Variants in SGCE observed in about 807,000 individuals in gnomAD.
The protein encoded by SGCE is sarcoglycan epsilon.
SGCE carries 26 observed loss-of-function variants against 57.8 expected under a neutral mutation model. The observed-to-expected ratio is 0.45, with a 90% CI of 0.33 to 0.62. The LOEUF (loss-of-function observed/expected upper bound fraction) is 0.62. Ranked by LOEUF, SGCE falls within the 20% of genes least tolerant of loss-of-function variation. The pLI, the probability that SGCE is intolerant of heterozygous loss-of-function variation, is 0.02. For synonymous variants in SGCE, 183 were observed against 189.5 expected (o/e 0.97, Z 0.28); for missense variants, 468 against 548.6 (o/e 0.85, Z 1.47).
chr7:94,596,846 T>A (rs1798470206), intron 9 of SGCE, among the ~76,000 whole-genome samples: 2 of 152,146 alleles, frequency 1.3e-5, no homozygotes, highest in Non-Finnish European at 2.9e-5. Flanking sequence ...TTTTGAAGGA[T>A]ATCTGTCAAC....
At chr7:94,588,567 A>G (rs1249021337) in intron 10 of SGCE, 122 bp downstream of exon 10, 4 of 1,530,918 alleles carry the variant, frequency 2.6e-6, no homozygotes, top group Non-Finnish European at 3.5e-6. Context: ...TGATTAAGGA[A>G]TGACACAAGT....
At chr7:94,602,131 G>C (rs1012494561) in intron 6 of SGCE, among the ~76,000 whole-genome samples, 1 of 152,078 alleles carries the variant, frequency 6.6e-6, no homozygotes, top group Non-Finnish European at 1.5e-5. Context: ...CATTGTTAGG[G>C]TCTGTTGGCC....
chr7:94,655,962 A>G, intron 1 of SGCE, 28 bp downstream of exon 1: 1 of 1,430,816 alleles, frequency 7.0e-7, no homozygotes, highest in Non-Finnish European at 9.9e-7. Flanking sequence ...TGGCCCCGGG[A>G]CCTCCACGTC....
At chr7:94,600,879 A>G in intron 6 of SGCE, 22 bp from the exon 7 acceptor site, 1 of 1,563,896 alleles carries the variant, frequency 6.4e-7, no homozygotes, top group African/African-American at 1.3e-5. Context: ...GAAGACAATT[A>G]CACAACAAAT....
chr7:94,587,719 G>A, intron 10 of SGCE: 3 of 1,534,168 alleles, frequency 2.0e-6, no homozygotes, highest in Admixed American at 2.1e-5. Context: ...AAATTGTAGG[G>A]AAAAATTCTG....
chr7:94,640,432 C>T (rs1250081746), intron 1 of SGCE, among the ~76,000 whole-genome samples: 1 of 152,132 alleles, frequency 6.6e-6, no homozygotes, highest in Non-Finnish European at 1.5e-5. Context: ...TCCTGTTTTT[C>T]ACCATCCAAA....
chr7:94,612,954 T>G (rs1801287189), intron 5 of SGCE, among the ~76,000 whole-genome samples: 1 of 152,192 alleles, frequency 6.6e-6, no homozygotes, highest in Non-Finnish European at 1.5e-5. Context: ...CCTGTCCACT[T>G]TGTTTTGTCC....
intron 3 of SGCE, chr7:94,627,997 A>G: frequency 1.9e-6 from 1 of 524,022 alleles, no homozygotes; most frequent in Non-Finnish European, 3.4e-6. Flanking sequence ...GTCATTTTTA[A>G]TATAAAAGCT....
At chr7:94,599,405 T>C (rs1798877496) in intron 8 of SGCE, 1 of 401,042 alleles carries the variant, frequency 2.5e-6, no homozygotes, top group African/African-American at 2.1e-5. Context: ...TGTTCTCTGG[T>C]TTATAGAAAT....
At chr7:94,587,164 T>C in intron 10 of SGCE, 6 of 984,862 alleles carry the variant, frequency 6.1e-6, no homozygotes, top group Non-Finnish European at 7.2e-6. Context: ...GGCTCTTATA[T>C]TTGTTTAGGC....
At chr7:94,638,201 TATTTGTATGA>T (rs1298499807) in intron 1 of SGCE, among the ~76,000 whole-genome samples, 1 of 152,228 alleles carries the variant, frequency 6.6e-6, no homozygotes, top group Non-Finnish European at 1.5e-5. Context: ...CATGAGAAGT[TATTTGTATGA>T]AACTCTATGT....
intron 3 of SGCE, chr7:94,625,287 T>TA: frequency 6.6e-6 from 1 of 152,164 alleles, no homozygotes; most frequent in East Asian, 1.9e-4. Flanking sequence ...CTATACCTGT[T>TA]ACTATAAATG....
intron 2 of SGCE, chr7:94,629,416 T>C (rs760277678): frequency 1.7e-5 from 5 of 291,608 alleles, no homozygotes; most frequent in Non-Finnish European, 2.6e-5. Flanking sequence ...GGTCTTAATA[T>C]AGAAAATCAT....
chr7:94,588,645 T>G lies in SGCE; in HGVS notation c.1297+44A>C, dbSNP rs777840283. On this transcript the variant is annotated intron_variant, in intron 10 of 10. Transcript: ENST00000648936. ...AGTGCCATAATTATCTTTTAATCTA[T>G]TAGATTCATTCATAAACATTAATTT... The G allele has an allele frequency of 3.2e-6, 5 of 1,566,088 alleles. No individual in the cohort carries two copies. In the Admixed American group the frequency reaches 8.4e-5, roughly 26 times the overall value.
At chr7:94,609,631 A>G (rs561305661) in intron 5 of SGCE, among the ~76,000 whole-genome samples, 11 of 152,366 alleles carry the variant, frequency 7.2e-5, no homozygotes, top group African/African-American at 2.4e-4. Context: ...TCCACTTTAC[A>G]TATCATCATG....
chr7:94,598,207 T>C (rs1798697815), intron 9 of SGCE: 1 of 161,958 alleles, frequency 6.2e-6, no homozygotes, highest in African/African-American at 2.4e-5. Context: ...GTCTACTCCT[T>C]ACAAAGTCCT....
At chr7:94,639,177 T>C (rs1390981996) in intron 1 of SGCE, among the ~76,000 whole-genome samples, 1 of 152,192 alleles carries the variant, frequency 6.6e-6, no homozygotes, top group Non-Finnish European at 1.5e-5. Context: ...ACACGGGATC[T>C]AAAACAGAAG....
At chr7:94,637,947 C>A (rs1022869996) in intron 1 of SGCE, among the ~76,000 whole-genome samples, 14 of 151,982 alleles carry the variant, frequency 9.2e-5, no homozygotes, top group Non-Finnish European at 1.5e-4. Context: ...CACCGGGGAC[C>A]CATAACCAGA....
intron 1 of SGCE, among the ~76,000 whole-genome samples, chr7:94,654,854 G>T (rs1310059518): frequency 6.6e-6 from 1 of 152,152 alleles, no homozygotes; most frequent in African/African-American, 2.4e-5. Flanking sequence ...ACCTAACTCA[G>T]CTGTAGACAA....
Sources: allele counts gnomAD v4.1 joint callset (sites outside exome capture counted in the v4.1 genomes callset), GRCh38; gene constraint gnomAD v4.1.1; transcripts MANE v1.5; gene names NCBI Gene and HGNC (gene_info 2026-07-23, HGNC 2026-07-21).